PIK3R1: variants seen among roughly 807,000 people sequenced by gnomAD.
The protein encoded by PIK3R1 is phosphatidylinositol 3-kinase regulatory subunit alpha.
PIK3R1 carries 29 observed loss-of-function variants against 98.0 expected under a neutral mutation model. The ratio of observed to expected loss-of-function variants is 0.30; its 90% CI spans 0.22 to 0.40. PIK3R1 has a LOEUF of 0.40. Ranked by LOEUF, PIK3R1 falls within the 10% of genes least tolerant of loss-of-function variation. The probability of loss-of-function intolerance (pLI) is 1.00; values close to 1 mark genes in which losing one functional copy is unlikely to be tolerated. For synonymous variants in PIK3R1, 282 were observed against 311.8 expected (o/e 0.90, Z 1.01); for missense variants, 596 against 872.7 (o/e 0.68, Z 3.99).
At chr5:68,280,791 C>T in intron 6 of PIK3R1, 62 bp downstream of exon 6, 1 of 1,428,166 alleles carries the variant, frequency 7.0e-7, no homozygotes, top group Admixed American at 1.7e-5. Context: ...ATGGATTGGT[C>T]ATGAAAATGT....
chr5:68,256,196 C>A (rs965864185), intron 2 of PIK3R1, among the ~76,000 whole-genome samples: 20 of 150,732 alleles, frequency 1.3e-4, no homozygotes, highest in African/African-American at 2.9e-4. Flanking sequence ...CTTTGAATAT[C>A]AAAAAAAAAG....
intron 2 of PIK3R1, among the ~76,000 whole-genome samples, chr5:68,228,217 C>A (rs1034412899): frequency 6.6e-6 from 1 of 152,144 alleles, no homozygotes; most frequent in African/African-American, 2.4e-5. Flanking sequence ...ATTATACCTT[C>A]TTTAATGTTG....
intron 15 of PIK3R1, among the ~76,000 whole-genome samples, chr5:68,296,853 G>C (rs915777630): frequency 9.2e-5 from 14 of 152,186 alleles, no homozygotes; most frequent in Admixed American, 9.2e-4. Flanking sequence ...GTAGGGAATG[G>C]TTCTAAAAGT....
chr5:68,244,521 C>CA (rs1554046317), intron 2 of PIK3R1, among the ~76,000 whole-genome samples: 1 of 31,362 alleles, frequency 3.2e-5, no homozygotes, highest in African/African-American at 1.9e-4. Flanking sequence ...GACCGCCCCC[C>CA]CGCCCCCCGC....
At chr5:68,294,748 C>A in intron 12 of PIK3R1, 70 bp downstream of exon 12, 2 of 1,062,604 alleles carry the variant, frequency 1.9e-6, no homozygotes, top group African/African-American at 1.9e-5. Flanking sequence ...GATGATCTCG[C>A]TTTCTGTGCT....
intron 2 of PIK3R1, among the ~76,000 whole-genome samples, chr5:68,248,527 T>C (rs1745188394): frequency 6.6e-6 from 1 of 152,206 alleles, no homozygotes; most frequent in Non-Finnish European, 1.5e-5. Context: ...TCCTAACAAA[T>C]TTATGAATAA....
At chr5:68,260,104 T>A (rs993658573) in intron 2 of PIK3R1, among the ~76,000 whole-genome samples, 1 of 152,190 alleles carries the variant, frequency 6.6e-6, no homozygotes, top group African/African-American at 2.4e-5. Flanking sequence ...TTGGCCATGA[T>A]TATTATTGGC....
chr5:68,256,522 A>G (rs938762523), intron 2 of PIK3R1, among the ~76,000 whole-genome samples: 5 of 152,160 alleles, frequency 3.3e-5, no homozygotes, highest in Non-Finnish European at 5.9e-5. Context: ...GAGCCACCGC[A>G]CCCAGCAACA....
intron 4 of PIK3R1, among the ~76,000 whole-genome samples, chr5:68,276,140 A>G (rs1462304404): frequency 1.3e-5 from 2 of 152,162 alleles, no homozygotes; most frequent in Non-Finnish European, 2.9e-5. Context: ...AGTTTTAATG[A>G]TTCAGATTTT....
chr5:68,294,464 C>A, intron 11 of PIK3R1, 72 bp from the exon 12 acceptor site: 1 of 1,126,552 alleles, frequency 8.9e-7, no homozygotes, highest in Non-Finnish European at 1.3e-6. Flanking sequence ...GATCAAATGT[C>A]CTGGTAGTGT....
At chr5:68,269,976 A>T (rs903385876) in intron 2 of PIK3R1, among the ~76,000 whole-genome samples, 1 of 152,262 alleles carries the variant, frequency 6.6e-6, no homozygotes, top group Non-Finnish European at 1.5e-5. Context: ...TGAGCGATAA[A>T]GCTTTTTTCA....
intron 2 of PIK3R1, among the ~76,000 whole-genome samples, chr5:68,243,762 G>T (rs1298271907): frequency 6.6e-6 from 1 of 152,186 alleles, no homozygotes; most frequent in Non-Finnish European, 1.5e-5. Flanking sequence ...GCAGAAACAA[G>T]TTACCTTTGG....
intron 5 of PIK3R1, 25 bp from the exon 6 acceptor site, chr5:68,280,500 CTCT>C (rs757502505): frequency 3.0e-6 from 4 of 1,328,042 alleles, no homozygotes; most frequent in Non-Finnish European, 4.3e-6. Context: ...TTACTCATTT[CTCT>C]TTTTTTTTTT....
chr5:68,290,832 C>A, intron 7 of PIK3R1: 1 of 1,597,326 alleles, frequency 6.3e-7, no homozygotes, highest in East Asian at 2.2e-5. Flanking sequence ...ATGGACCCAC[C>A]AGGTAATACT....
At chr5:68,236,924 G>A (rs1744689755) in intron 2 of PIK3R1, among the ~76,000 whole-genome samples, 1 of 152,162 alleles carries the variant, frequency 6.6e-6, no homozygotes, top group African/African-American at 2.4e-5. Context: ...CAAAGTTTTG[G>A]GTATGTGCAT....
intron 4 of PIK3R1, among the ~76,000 whole-genome samples, chr5:68,278,600 G>A (rs1044576137): frequency 7.9e-5 from 12 of 152,262 alleles, no homozygotes; most frequent in African/African-American, 2.2e-4. Flanking sequence ...TTCTGTATTC[G>A]TTTGCTCAGG....
chr5:68,262,403 T>TATATATATATATATATAC (rs33968242), intron 2 of PIK3R1, among the ~76,000 whole-genome samples: 4 of 140,616 alleles, frequency 2.8e-5, no homozygotes, highest in African/African-American at 1.1e-4. Context: ...TATATATATA[T>TATATATATATATATATAC]ACACACACGC....
intron 3 of PIK3R1, 70 bp downstream of exon 3, chr5:68,273,552 C>T (rs963709857): frequency 1.6e-6 from 2 of 1,274,388 alleles, no homozygotes; most frequent in East Asian, 2.3e-5. Context: ...TTATTTGTCT[C>T]TTGTGCATTC....
At chr5:68,279,342 T>C (rs555911433) in intron 4 of PIK3R1, among the ~76,000 whole-genome samples, 107 of 152,248 alleles carry the variant, frequency 7.0e-4, no homozygotes, top group African/African-American at 2.6e-3. Context: ...ACTGGCATCA[T>C]GGGCAGGGGG....
Sources: allele counts gnomAD v4.1 joint callset (sites outside exome capture counted in the v4.1 genomes callset), GRCh38; gene constraint gnomAD v4.1.1; transcripts MANE v1.5; gene names NCBI Gene and HGNC (gene_info 2026-07-23, HGNC 2026-07-21).